FAR2: variants seen among roughly 807,000 people sequenced by gnomAD.
FAR2 encodes fatty acyl-CoA reductase 2.
In FAR2, 19 loss-of-function variants were observed where a neutral mutation model predicts 56.0. The ratio of observed to expected loss-of-function variants is 0.34; its 90% CI spans 0.24 to 0.50. The LOEUF is 0.50. Among genes scored for constraint, FAR2 ranks in the 20% least tolerant of loss-of-function variants. FAR2 has a pLI of 0.98. For missense variants in FAR2, 508 were observed against 642.2 expected (o/e 0.79, Z 2.26); for synonymous variants, 219 against 218.8 (o/e 1.00, Z -0.01).
chr12:29,215,766 A>C (rs1420245318), intron 1 of FAR2, among the ~76,000 whole-genome samples: 2 of 152,234 alleles, frequency 1.3e-5, no homozygotes, highest in East Asian at 3.8e-4. Flanking sequence ...TTTATAAATA[A>C]AATTAATATA....
chr12:29,292,438 C>A (rs1358523084), intron 2 of FAR2: 1 of 152,090 alleles, frequency 6.6e-6, no homozygotes, highest in African/African-American at 2.4e-5. Context: ...TAAGCTTACC[C>A]AAAAATATTC....
intron 8 of FAR2, among the ~76,000 whole-genome samples, chr12:29,314,617 C>T (rs1949415822): frequency 3.3e-5 from 5 of 152,002 alleles, no homozygotes; most frequent in Admixed American, 3.3e-4. Flanking sequence ...CTCACCCCTC[C>T]CCTTCCTGGC....
intron 1 of FAR2, among the ~76,000 whole-genome samples, chr12:29,162,328 A>C (rs1476455347): frequency 6.6e-6 from 1 of 152,246 alleles, no homozygotes; most frequent in Non-Finnish European, 1.5e-5. Flanking sequence ...AATCATTAGA[A>C]TTCTGCATTT....
chr12:29,180,415 T>A (rs558421273), intron 1 of FAR2, among the ~76,000 whole-genome samples: 6 of 152,130 alleles, frequency 3.9e-5, no homozygotes, highest in Admixed American at 6.5e-5. Context: ...TCCAGTTCCC[T>A]TATGCTGCTC....
At chr12:29,326,777 A>C (rs11525563) in intron 10 of FAR2, among the ~76,000 whole-genome samples, 46,690 of 147,566 alleles carry the variant, frequency 0.32, 7,282 homozygotes, top group East Asian at 0.36. Flanking sequence ...CTATCTATGA[A>C]AAACCCACAG....
intron 4 of FAR2, among the ~76,000 whole-genome samples, chr12:29,304,727 G>C (rs1331167411): frequency 6.6e-6 from 1 of 152,148 alleles, no homozygotes; most frequent in East Asian, 1.9e-4. Flanking sequence ...GTGTGTATAT[G>C]TGAACACACA....
At chr12:29,313,398 C>G (rs1421065652) in intron 8 of FAR2, among the ~76,000 whole-genome samples, 1 of 152,128 alleles carries the variant, frequency 6.6e-6, no homozygotes, top group East Asian at 1.9e-4. Context: ...TTAGGATAAA[C>G]CCAAGTTGGT....
chr12:29,211,370 A>C (rs1050310850), intron 1 of FAR2, among the ~76,000 whole-genome samples: 2 of 152,228 alleles, frequency 1.3e-5, no homozygotes, highest in Non-Finnish European at 2.9e-5. Context: ...AGCTCCTCCT[A>C]GCCTCTTTCT....
At chr12:29,297,335 TAG>T in intron 4 of FAR2, 135 bp downstream of exon 4, 2 of 772,374 alleles carry the variant, frequency 2.6e-6, no homozygotes, top group African/African-American at 1.8e-5. Context: ...GTGCTAGCCT[TAG>T]CTACCTTGTC....
In FAR2 at chr12:29,170,684, C is replaced by T. The variant is rs927522935; in HGVS notation, c.-39+21277C>T. Among the ~76,000 whole-genome samples, 14 of 151,504 alleles carry T rather than the reference C, an allele frequency of 9.2e-5. No individual in the cohort carries two copies. The South Asian group carries it at 1.9e-3, about 20-fold the overall frequency. On this transcript the variant is annotated intron_variant, in intron 1 of 11. Transcript: ENST00000536681. ...GACTCCCTCTTTTTCTCTGTCTCTT[C>T]CTCTCTCTCTTTGACTTTCTGTCTC...
intron 1 of FAR2, among the ~76,000 whole-genome samples, chr12:29,155,812 C>T (rs957129288): frequency 6.6e-6 from 1 of 152,158 alleles, no homozygotes; most frequent in African/African-American, 2.4e-5. Context: ...TGGTCCTTTA[C>T]AGAAAATGTT....
chr12:29,315,432 T>A (rs1461007421), intron 8 of FAR2, among the ~76,000 whole-genome samples: 1 of 151,556 alleles, frequency 6.6e-6, no homozygotes, highest in Non-Finnish European at 1.5e-5. Context: ...TGAGATGAGA[T>A]TCCACTGAAG....
intron 8 of FAR2, among the ~76,000 whole-genome samples, chr12:29,312,250 A>AAAAT (rs1454036214): frequency 1.3e-5 from 2 of 152,188 alleles, no homozygotes; most frequent in Non-Finnish European, 2.9e-5. Context: ...TGTCAGTGAT[A>AAAAT]AAATACTGAA....
At chr12:29,305,571 T>C (rs754199238) in intron 4 of FAR2, among the ~76,000 whole-genome samples, 1 of 152,240 alleles carries the variant, frequency 6.6e-6, no homozygotes, top group Non-Finnish European at 1.5e-5. Context: ...GTTGTGAATA[T>C]TCCTGTTTAC....
intron 8 of FAR2, among the ~76,000 whole-genome samples, chr12:29,314,947 A>G (rs1261446606): frequency 1.3e-5 from 2 of 152,174 alleles, no homozygotes; most frequent in Admixed American, 1.3e-4. Context: ...TACTCAAAAA[A>G]TATTTATTGG....
chr12:29,151,939 C>T (rs559166723), intron 1 of FAR2: 1 of 152,228 alleles, frequency 6.6e-6, no homozygotes, highest in Admixed American at 6.5e-5. Flanking sequence ...TAAACTTTGC[C>T]CTCCATTTTT....
intron 1 of FAR2, among the ~76,000 whole-genome samples, chr12:29,160,595 CA>C (rs1282441894): frequency 6.6e-6 from 1 of 152,190 alleles, no homozygotes; most frequent in Non-Finnish European, 1.5e-5. Flanking sequence ...CAAAGTACCA[CA>C]AACTGGGCGG....
chr12:29,256,701 C>T (rs11050157), intron 1 of FAR2, among the ~76,000 whole-genome samples: 49,600 of 152,084 alleles, frequency 0.33, 8,322 homozygotes, highest in Non-Finnish European at 0.37. Flanking sequence ...GCTGGAGTTC[C>T]GGGTGGGCGT....
intron 4 of FAR2, chr12:29,302,138 G>T (rs888599342): frequency 6.6e-6 from 1 of 151,352 alleles, no homozygotes; most frequent in African/African-American, 2.4e-5. Flanking sequence ...GCTGAGGCAG[G>T]AGAATGGCGT....
Sources: gnomAD v4.1 joint callset for allele counts (sites outside exome capture counted in the v4.1 genomes callset) on GRCh38, gnomAD v4.1.1 for gene constraint, MANE v1.5 for transcripts, NCBI Gene and HGNC (gene_info 2026-07-23, HGNC 2026-07-21) for gene names.